Variants in FRMPD4 observed in about 807,000 individuals in gnomAD.
FRMPD4 encodes the protein FERM and PDZ domain-containing protein 4.
FRMPD4 carries 22 observed loss-of-function variants against 94.1 expected under a neutral mutation model. That is an observed-to-expected ratio of 0.23 (90% CI 0.17 to 0.33). The LOEUF (loss-of-function observed/expected upper bound fraction) is 0.33, where lower values mean the gene tolerates loss of function less well. Ranked by LOEUF, FRMPD4 falls within the 10% of genes least tolerant of loss-of-function variation. The probability of loss-of-function intolerance (pLI) is 1.00; values close to 1 mark genes in which losing one functional copy is unlikely to be tolerated. For missense variants in FRMPD4, 1,111 were observed against 1,339.9 expected (o/e 0.83, Z 2.67); for synonymous variants, 631 against 548.6 (o/e 1.15, Z -2.10).
At chrX:12,556,426 A>AG (rs1039003736) in intron 2 of FRMPD4, among the ~76,000 whole-genome samples, 1 of 111,036 alleles carries the variant, frequency 9.0e-6, no homozygotes, top group African/African-American at 3.3e-5. Flanking sequence ...CTGCCTACGG[A>AG]GGGGGGTGGA....
At chrX:11,833,639 G>T (rs934422691) in intron 1 of FRMPD4, among the ~76,000 whole-genome samples, 2 of 111,859 alleles carry the variant, frequency 1.8e-5, no homozygotes, top group African/African-American at 6.5e-5. Flanking sequence ...CTGAAATAAA[G>T]AATGTTTGCA....
At chrX:12,512,542 G>A (rs1253629507) in intron 2 of FRMPD4, among the ~76,000 whole-genome samples, 3 of 112,750 alleles carry the variant, frequency 2.7e-5, no homozygotes, top group African/African-American at 9.7e-5. Flanking sequence ...TCCCTGCAAA[G>A]GACAAGATCT....
intron 1 of FRMPD4, among the ~76,000 whole-genome samples, chrX:12,357,732 G>A (rs1007020195): frequency 8.9e-6 from 1 of 112,195 alleles, no homozygotes; most frequent in South Asian, 3.7e-4. Flanking sequence ...TGCCTTTGGG[G>A]CTTTGCTCCT....
intron 3 of FRMPD4, among the ~76,000 whole-genome samples, chrX:12,118,488 C>T (rs1196293211): frequency 8.9e-6 from 1 of 112,182 alleles, no homozygotes; most frequent in Non-Finnish European, 1.9e-5. Flanking sequence ...TCCAAGTCAC[C>T]GTTGGGGCAC....
At chrX:12,120,812 A>G (rs1418184807) in intron 3 of FRMPD4, among the ~76,000 whole-genome samples, 1 of 110,951 alleles carries the variant, frequency 9.0e-6, no homozygotes, top group African/African-American at 3.3e-5. Context: ...AAACACAGAC[A>G]TTTGCTATCA....
chrX:12,669,744 T>C (rs2059819785), intron 4 of FRMPD4, among the ~76,000 whole-genome samples: 1 of 111,738 alleles, frequency 8.9e-6, no homozygotes. Context: ...ATGATACTGC[T>C]GGTTTTGAAG....
At chrX:11,902,402 C>G (rs1021939224) in intron 3 of FRMPD4, among the ~76,000 whole-genome samples, 1 of 111,435 alleles carries the variant, frequency 9.0e-6, no homozygotes, top group African/African-American at 3.3e-5. Context: ...GTGCTGTGTC[C>G]TTACATGGCA....
chrX:12,554,224 A>G (rs752765606), intron 2 of FRMPD4, among the ~76,000 whole-genome samples: 1 of 112,540 alleles, frequency 8.9e-6, no homozygotes, highest in South Asian at 3.7e-4. Flanking sequence ...TTGTTTATAT[A>G]TAAACATAAT....
At chrX:12,543,792 G>A (rs1279257628) in intron 2 of FRMPD4, among the ~76,000 whole-genome samples, 3 of 109,312 alleles carry the variant, frequency 2.7e-5, no homozygotes, top group South Asian at 4.0e-4. Flanking sequence ...GCACACGTAT[G>A]TTTATTGCGG....
At chrX:12,587,049 T>C (rs895697303) in intron 2 of FRMPD4, among the ~76,000 whole-genome samples, 1 of 109,572 alleles carries the variant, frequency 9.1e-6, no homozygotes, top group Non-Finnish European at 1.9e-5. Flanking sequence ...TGATCTCAGC[T>C]CAGTGCAACC....
chrX:12,309,105 T>C (rs992180083), intron 1 of FRMPD4, among the ~76,000 whole-genome samples: 1 of 112,397 alleles, frequency 8.9e-6, no homozygotes, highest in Non-Finnish European at 1.9e-5. Context: ...TGTTATTGCA[T>C]GACATATGCC....
intron 2 of FRMPD4, among the ~76,000 whole-genome samples, chrX:12,568,854 A>T (rs2058736375): frequency 1.8e-5 from 2 of 112,050 alleles, no homozygotes; most frequent in South Asian, 7.5e-4. Flanking sequence ...TTTCAGAGTT[A>T]CATGTTCTAT....
At chrX:12,180,771 C>T (rs1378715024) in intron 1 of FRMPD4, among the ~76,000 whole-genome samples, 1 of 112,333 alleles carries the variant, frequency 8.9e-6, no homozygotes, top group Non-Finnish European at 1.9e-5. Context: ...ATGAAAGCAG[C>T]CATAGACAGT....
chrX:11,893,296 C>T (rs1325570129), intron 3 of FRMPD4, among the ~76,000 whole-genome samples: 1 of 111,716 alleles, frequency 9.0e-6, no homozygotes, highest in Non-Finnish European at 1.9e-5. Flanking sequence ...GAATACTAGC[C>T]AAGATTACAT....
chrX:12,399,269 C>T (rs1056750926), intron 1 of FRMPD4, among the ~76,000 whole-genome samples: 2 of 111,757 alleles, frequency 1.8e-5, no homozygotes, highest in African/African-American at 6.5e-5. Flanking sequence ...AGGGCAGTTC[C>T]AGGCACACAG....
chrX:12,369,395 T>C (rs1326560726), intron 1 of FRMPD4, among the ~76,000 whole-genome samples: 2 of 111,397 alleles, frequency 1.8e-5, no homozygotes, highest in Non-Finnish European at 3.8e-5. Context: ...TTTGTCTGAA[T>C]TGATTTCAAA....
chrX:12,260,672 G>A (rs1232293480), intron 1 of FRMPD4, among the ~76,000 whole-genome samples: 3 of 112,115 alleles, frequency 2.7e-5, no homozygotes, highest in Non-Finnish European at 3.8e-5. Context: ...GTTATGTACC[G>A]ATCCAAGCTC....
intron 3 of FRMPD4, among the ~76,000 whole-genome samples, chrX:11,991,052 C>T (rs1174007662): frequency 8.9e-6 from 1 of 112,045 alleles, no homozygotes; most frequent in Non-Finnish European, 1.9e-5. Context: ...TGCCATGGGA[C>T]CTTCTCCATA....
At chrX:12,516,299 G>C (rs1376476186) in intron 2 of FRMPD4, among the ~76,000 whole-genome samples, 1 of 112,091 alleles carries the variant, frequency 8.9e-6, no homozygotes, top group African/African-American at 3.2e-5. Context: ...AGTGTCATTG[G>C]TCTTTGTACT....
Sources: gnomAD v4.1 joint callset for allele counts (sites outside exome capture counted in the v4.1 genomes callset) on GRCh38, gnomAD v4.1.1 for gene constraint, MANE v1.5 for transcripts, NCBI Gene and HGNC (gene_info 2026-07-23, HGNC 2026-07-21) for gene names.